ADGRV1: variants seen among roughly 807,000 people sequenced by gnomAD.
The protein encoded by ADGRV1 is G-protein coupled receptor 98.
A neutral mutation model predicts 596.2 loss-of-function variants in ADGRV1; 359 were observed. That is an observed-to-expected ratio of 0.60 (90% confidence interval 0.55 to 0.66). The LOEUF (loss-of-function observed/expected upper bound fraction) is 0.66. Ranked by LOEUF, ADGRV1 falls within the 30% of genes least tolerant of loss-of-function variation. The pLI, the probability that ADGRV1 is intolerant of heterozygous loss-of-function variation, is 0.00. For synonymous variants in ADGRV1, 2,681 were observed against 2,679.2 expected (o/e 1.00, Z -0.02); for missense variants, 7,274 against 7,575.6 (o/e 0.96, Z 1.48).
intron 49 of ADGRV1, 29 bp from the exon 50 acceptor site, chr5:90,729,613 A>G: frequency 6.5e-7 from 1 of 1,547,648 alleles, no homozygotes; most frequent in Non-Finnish European, 8.8e-7. Context: ...CTTTTGCATT[A>G]AGATTTGACT....
chr5:90,658,770 G>A (rs1282664134), intron 21 of ADGRV1, among the ~76,000 whole-genome samples: 1 of 150,168 alleles, frequency 6.7e-6, no homozygotes, highest in African/African-American at 2.5e-5. Context: ...AACCTTCTTG[G>A]CCAGCTTAAT....
intron 70 of ADGRV1, among the ~76,000 whole-genome samples, chr5:90,798,723 C>T (rs1486885421): frequency 6.6e-6 from 1 of 152,178 alleles, no homozygotes; most frequent in Non-Finnish European, 1.5e-5. Context: ...AAAAGCTTAT[C>T]TACCATGATC....
intron 52 of ADGRV1, among the ~76,000 whole-genome samples, chr5:90,747,348 A>G (rs529406637): frequency 6.6e-6 from 1 of 152,274 alleles, no homozygotes; most frequent in African/African-American, 2.4e-5. Context: ...AGGGATCCCC[A>G]TGACCACCCA....
At chr5:90,845,115 G>A (rs1765750947) in intron 78 of ADGRV1, among the ~76,000 whole-genome samples, 1 of 152,122 alleles carries the variant, frequency 6.6e-6, no homozygotes, top group South Asian at 2.1e-4. Flanking sequence ...GGTTGCTTTG[G>A]CACAAGCAAG....
intron 85 of ADGRV1, among the ~76,000 whole-genome samples, chr5:91,060,047 A>G (rs879537776): frequency 6.6e-6 from 1 of 152,178 alleles, no homozygotes; most frequent in Non-Finnish European, 1.5e-5. Context: ...GGATACCAGG[A>G]TTGAAATGGG....
chr5:90,677,215 A>T (rs1744349956), intron 25 of ADGRV1, among the ~76,000 whole-genome samples: 1 of 152,178 alleles, frequency 6.6e-6, no homozygotes, highest in African/African-American at 2.4e-5. Context: ...AATTGGTAGG[A>T]CTGAGATACG....
intron 83 of ADGRV1, among the ~76,000 whole-genome samples, chr5:90,905,897 G>A (rs1772279050): frequency 6.6e-6 from 1 of 151,912 alleles, no homozygotes; most frequent in Non-Finnish European, 1.5e-5. Flanking sequence ...GCATTGAGAT[G>A]TTTTAATTCT....
chr5:90,644,636 G>A (rs1416325001), intron 14 of ADGRV1, 70 bp from the exon 15 acceptor site: 9 of 1,214,012 alleles, frequency 7.4e-6, no homozygotes, highest in African/African-American at 3.2e-5. Flanking sequence ...TTATTTAACC[G>A]ATTTCTTTAC....
At chr5:90,646,502 T>C (rs1164074535) in intron 16 of ADGRV1, among the ~76,000 whole-genome samples, 1 of 152,076 alleles carries the variant, frequency 6.6e-6, no homozygotes, top group Non-Finnish European at 1.5e-5. Context: ...AGGACCTGAG[T>C]ATTATGCCTA....
intron 86 of ADGRV1, among the ~76,000 whole-genome samples, chr5:91,097,560 C>G (rs1236992271): frequency 6.6e-6 from 1 of 152,166 alleles, no homozygotes; most frequent in Non-Finnish European, 1.5e-5. Context: ...ATTTGAGTAC[C>G]TGTGCCTTCA....
At chr5:90,722,372 GA>G (rs145181380) in intron 45 of ADGRV1, among the ~76,000 whole-genome samples, 3,410 of 152,110 alleles carry the variant, frequency 0.022, 124 homozygotes, top group African/African-American at 0.08. Context: ...AACACATTTT[GA>G]ATTTGAGTTA....
chr5:90,781,132 A>G (rs1758792291), intron 64 of ADGRV1: 1 of 394,792 alleles, frequency 2.5e-6, no homozygotes. Flanking sequence ...TCATTTTATG[A>G]CAGCATCTTT....
intron 86 of ADGRV1, among the ~76,000 whole-genome samples, chr5:91,078,334 C>G (rs1348156927): frequency 6.6e-6 from 1 of 151,916 alleles, no homozygotes; most frequent in Non-Finnish European, 1.5e-5. Context: ...GAAATGAAAT[C>G]CAAAGGAAAA....
chr5:90,787,743 A>G (rs1175157303), intron 67 of ADGRV1, among the ~76,000 whole-genome samples: 3 of 151,578 alleles, frequency 2.0e-5, no homozygotes, highest in South Asian at 2.1e-4. Flanking sequence ...GGCGCCTGCC[A>G]CCACGCCCGG....
At chr5:90,723,441 T>G (rs1751349172) in intron 45 of ADGRV1, among the ~76,000 whole-genome samples, 1 of 152,244 alleles carries the variant, frequency 6.6e-6, no homozygotes, top group Non-Finnish European at 1.5e-5. Context: ...TTTAGATTTC[T>G]GCATTACGCT....
chr5:90,894,468 G>C (rs561803656), intron 83 of ADGRV1, among the ~76,000 whole-genome samples: 1 of 152,158 alleles, frequency 6.6e-6, no homozygotes, highest in Admixed American at 6.5e-5. Flanking sequence ...TGAGTTGTGG[G>C]GATGGCCGGC....
At chr5:90,607,122 G>T (rs941516310) in intron 1 of ADGRV1, among the ~76,000 whole-genome samples, 1 of 152,160 alleles carries the variant, frequency 6.6e-6, no homozygotes, top group Non-Finnish European at 1.5e-5. Context: ...CAAAAGGAAG[G>T]CGAGAGGAAA....
intron 83 of ADGRV1, among the ~76,000 whole-genome samples, chr5:90,935,958 C>A (rs1465481970): frequency 6.6e-6 from 1 of 152,130 alleles, no homozygotes; most frequent in Non-Finnish European, 1.5e-5. Context: ...CACTGCACTA[C>A]AGCCTGAGCA....
chr5:90,593,021 AT>A (rs1759727763), intron 1 of ADGRV1, among the ~76,000 whole-genome samples: 2 of 152,196 alleles, frequency 1.3e-5, no homozygotes, highest in South Asian at 4.1e-4. Context: ...TAGCTCAACC[AT>A]TGTGGAACAC....
Sources: allele counts gnomAD v4.1 joint callset (sites outside exome capture counted in the v4.1 genomes callset), GRCh38; gene constraint gnomAD v4.1.1; transcripts MANE v1.5; gene names NCBI Gene and HGNC (gene_info 2026-07-23, HGNC 2026-07-21).